The following NVL variants were observed in gnomAD, a reference collection of about 807,000 sequenced individuals.
NVL encodes the protein nuclear valosin-containing protein-like.
Under a neutral mutation model 110.2 loss-of-function variants are expected in NVL, and 84 were observed. That is an observed-to-expected ratio of 0.76 (90% CI 0.64 to 0.91). The LOEUF is 0.91. Among genes scored for constraint, NVL ranks in the 40% least tolerant of loss-of-function variants. NVL has a pLI of 0.00. For missense variants in NVL, 882 were observed against 1,035.9 expected, an observed-to-expected ratio of 0.85 and a Z score of 2.04; for synonymous variants, 354 against 361.1, an observed-to-expected ratio of 0.98 and a Z score of 0.22.
At chr1:224,243,904 C>T (rs1571802955) in intron 19 of NVL, among the ~76,000 whole-genome samples, 1 of 151,748 alleles carries the variant, frequency 6.6e-6, no homozygotes, top group Non-Finnish European at 1.5e-5. Context: ...TTGTGATTCG[C>T]CTGTCTCAGT....
chr1:224,258,708 A>C (rs1488844034), intron 18 of NVL, among the ~76,000 whole-genome samples: 1 of 152,210 alleles, frequency 6.6e-6, no homozygotes, highest in Non-Finnish European at 1.5e-5. Context: ...TTATTTCATA[A>C]TAAAAAGGAA....
At chr1:224,288,433 T>G (rs1366126582) in intron 13 of NVL, among the ~76,000 whole-genome samples, 1 of 152,150 alleles carries the variant, frequency 6.6e-6, no homozygotes, top group Non-Finnish European at 1.5e-5. Flanking sequence ...GGGAAGGCAA[T>G]TTTCCTATTA....
intron 18 of NVL, among the ~76,000 whole-genome samples, chr1:224,256,074 T>C (rs7521015): frequency 0.88 from 133,877 of 152,156 alleles, 59,746 homozygotes; most frequent in Non-Finnish European, 0.94. Flanking sequence ...TTCCTTTTAT[T>C]TATCTGTCTC....
chr1:224,330,163 G>C lies in NVL; in HGVS notation c.-36C>G, dbSNP rs767874151. ...TTCCAAGCCACAGCTCGGACCGCCA[G>C]CTCCTAGTCAACCGGGGGCCTCGTA... On this transcript the variant is annotated 5_prime_UTR_variant, in exon 1 of 23. Transcript: ENST00000281701. 6.2e-7 allele frequency: 1 copy of C among 1,610,974 alleles called. No homozygotes were observed. The highest frequency in any genetic ancestry group is 1.1e-5 in the South Asian group (1 of 91,026).
intron 18 of NVL, among the ~76,000 whole-genome samples, chr1:224,265,008 G>A (rs1205698101): frequency 2.6e-5 from 4 of 151,378 alleles, no homozygotes; most frequent in African/African-American, 9.7e-5. Flanking sequence ...GCCTCCCAAA[G>A]TGTTGGGATT....
At chr1:224,229,249 T>C (rs1005433147) in intron 22 of NVL, among the ~76,000 whole-genome samples, 6 of 151,836 alleles carry the variant, frequency 4.0e-5, no homozygotes, top group African/African-American at 1.4e-4. Context: ...TGAGCTGCGA[T>C]TGTGCCATTG....
rs1374817129 is a variant in NVL at position 224,237,984 on chromosome 1, A to G, written c.2290-1402T>C. ...TTCAAAAAAAAAAAAAAAAAAAAAAAAGAAGAAACACACACAAAAGTGAAT... is the reference window on the plus strand; with the variant it reads ...TTCAAAAAAAAAAAAAAAAAAAAAAGAGAAGAAACACACACAAAAGTGAAT... On this transcript the variant is annotated intron_variant, in intron 19 of 22. Coordinates refer to ENST00000281701, the MANE Select transcript of NVL (RefSeq NM_002533.4). Among the ~76,000 whole-genome samples the G allele has an allele frequency of 3.6e-5, 5 of 138,418 alleles. No homozygotes were observed. In the East Asian group the frequency reaches 1.0e-3, roughly 29 times the overall value. The allele number at this position is 138,418 out of a possible 152,430, so 90.8% of individuals were successfully genotyped here.
chr1:224,273,043 C>A (rs10916578), intron 17 of NVL, among the ~76,000 whole-genome samples: 4,214 of 119,238 alleles, frequency 0.035, 163 homozygotes, highest in African/African-American at 0.059. Flanking sequence ...CAAAAAAAAA[C>A]AAAAAAAACA....
chr1:224,253,346 A>G (rs1022320851), intron 18 of NVL, among the ~76,000 whole-genome samples: 4 of 150,674 alleles, frequency 2.7e-5, no homozygotes, highest in African/African-American at 9.7e-5. Flanking sequence ...CACGGCTCCC[A>G]GGCTGTATAT....
At chr1:224,282,075 T>C (rs1224167232) in intron 15 of NVL, among the ~76,000 whole-genome samples, 5 of 151,662 alleles carry the variant, frequency 3.3e-5, no homozygotes, top group Admixed American at 6.6e-5. Context: ...CTTTAATTTT[T>C]TTTTTTTTTT....
intron 19 of NVL, among the ~76,000 whole-genome samples, chr1:224,242,825 T>TG (rs1329720050): frequency 7.0e-6 from 1 of 142,442 alleles, no homozygotes; most frequent in Non-Finnish European, 1.5e-5. Flanking sequence ...CATTAATGCT[T>TG]GTTTTTTTTT....
chr1:224,323,646 C>G (rs1208567393), intron 2 of NVL, among the ~76,000 whole-genome samples: 2 of 152,130 alleles, frequency 1.3e-5, no homozygotes, highest in African/African-American at 4.8e-5. Flanking sequence ...ACAAGTTATC[C>G]TTCAAGAAAA....
At chr1:224,275,601 C>T (rs1291192804) in intron 16 of NVL, 143 bp from the exon 17 acceptor site, 17 of 1,036,106 alleles carry the variant, frequency 1.6e-5, no homozygotes, top group Non-Finnish European at 2.2e-5. Flanking sequence ...TATACAATTG[C>T]TGATATTTAA....
chr1:224,321,568 T>A (rs1670644190), intron 2 of NVL, among the ~76,000 whole-genome samples: 1 of 152,004 alleles, frequency 6.6e-6, no homozygotes, highest in Admixed American at 6.6e-5. Context: ...AATACAAAAA[T>A]TATTTTTAGT....
intron 19 of NVL, among the ~76,000 whole-genome samples, chr1:224,241,388 T>C (rs1416699781): frequency 1.3e-5 from 2 of 152,134 alleles, no homozygotes; most frequent in African/African-American, 4.8e-5. Context: ...TACTAGGATA[T>C]TTAGAAGTAT....
intron 10 of NVL, among the ~76,000 whole-genome samples, chr1:224,299,817 T>C (rs1668225328): frequency 6.6e-6 from 1 of 151,558 alleles, no homozygotes; most frequent in Non-Finnish European, 1.5e-5. Flanking sequence ...GGCCTACCCA[T>C]TCTTGTTATT....
In NVL at chr1:224,268,397, A is replaced by G. The variant is rs111368066; in HGVS notation, c.2083-264T>C. Among the ~76,000 whole-genome samples, 628 of 152,296 alleles carry G rather than the reference A, an allele frequency of 4.1e-3. 3 individuals are homozygous for G. Among genetic ancestry groups the G allele is most frequent in the African/African-American group, 0.014 (601 of 41,566 alleles). Reference sequence around the variant, plus strand: ...TTCTCATCACTAGATAAAGGAAGAAATGAGACTCAATCTCAGGCTGAATGG... The same window carrying G: ...TTCTCATCACTAGATAAAGGAAGAAGTGAGACTCAATCTCAGGCTGAATGG... On this transcript the variant is annotated intron_variant, in intron 17 of 22. Transcript: ENST00000281701.
intron 5 of NVL, among the ~76,000 whole-genome samples, chr1:224,308,974 T>C (rs927828580): frequency 6.8e-6 from 1 of 146,232 alleles, no homozygotes; most frequent in African/African-American, 2.5e-5. Flanking sequence ...GGCAGGAGAA[T>C]GGCGAGAACC....
chr1:224,242,719 C>T (rs1040907469), intron 19 of NVL, among the ~76,000 whole-genome samples: 4 of 152,036 alleles, frequency 2.6e-5, no homozygotes, highest in African/African-American at 2.4e-5. Flanking sequence ...TCACCTGCCT[C>T]GGCCTCCCAA....
Sources: allele counts gnomAD v4.1 joint callset (sites outside exome capture counted in the v4.1 genomes callset), GRCh38; gene constraint gnomAD v4.1.1; transcripts MANE v1.5; gene names NCBI Gene and HGNC (gene_info 2026-07-23, HGNC 2026-07-21).